Variants in GRAP2 observed in about 807,000 individuals in gnomAD.
GRAP2 encodes GRB2-related adapter protein 2.
A neutral mutation model predicts 43.5 loss-of-function variants in GRAP2; 31 were observed. That is an observed-to-expected ratio of 0.71 (90% CI 0.54 to 0.96). The LOEUF (loss-of-function observed/expected upper bound fraction) is 0.96, where lower values mean the gene tolerates loss of function less well. Among genes scored for constraint, GRAP2 ranks in the 40% least tolerant of loss-of-function variants. The probability of loss-of-function intolerance (pLI) is 0.00; values close to 1 mark genes in which losing one functional copy is unlikely to be tolerated. For missense variants in GRAP2, 371 were observed against 424.4 expected (o/e 0.87, Z 1.11); for synonymous variants, 156 against 164.8 (o/e 0.95, Z 0.41).
intron 1 of GRAP2, among the ~76,000 whole-genome samples, chr22:39,938,709 G>T (rs565147763): frequency 3.9e-5 from 6 of 152,246 alleles, no homozygotes; most frequent in Non-Finnish European, 7.3e-5. Flanking sequence ...TCAGCTGCCC[G>T]TTAGTCACCT....
intron 1 of GRAP2, chr22:39,926,500 A>AAG: frequency 1.9e-6 from 1 of 528,738 alleles, no homozygotes; most frequent in Non-Finnish European, 2.4e-6. Context: ...AAAAAAAAAA[A>AAG]GGAAAAGAGC....
chr22:39,894,331 AC>A, the GRAP2 span, among the ~76,000 whole-genome samples: 1 of 148,274 alleles, frequency 6.7e-6, no homozygotes, highest in Non-Finnish European at 1.5e-5. Context: ...AAAACCAAAC[AC>A]CGCATATTCT....
At chr22:39,923,724 A>T (rs2066673553) in intron 1 of GRAP2, among the ~76,000 whole-genome samples, 1 of 152,260 alleles carries the variant, frequency 6.6e-6, no homozygotes, top group Non-Finnish European at 1.5e-5. Context: ...GACTTAAAAC[A>T]GTTTTTACAA....
At chr22:39,896,668 A>G (rs1344270633), upstream of GRAP2, among the ~76,000 whole-genome samples, 2 of 152,164 alleles carry the variant, frequency 1.3e-5, no homozygotes, top group African/African-American at 4.8e-5. Context: ...TGAAGTCCCA[A>G]TAAACAGTGA....
At chr22:39,894,005 C>G in the GRAP2 span, 1 of 149,888 alleles carries the variant, frequency 6.7e-6, no homozygotes, top group East Asian at 2.0e-4. Flanking sequence ...CAGACACTAG[C>G]ATTTATTCTT....
At chr22:39,899,851 T>G (rs1350807602), upstream of GRAP2, among the ~76,000 whole-genome samples, 4 of 152,026 alleles carry the variant, frequency 2.6e-5, no homozygotes, top group Non-Finnish European at 5.9e-5. Flanking sequence ...CCAGGCATGG[T>G]GGCAGGTACC....
chr22:39,961,988 T>G (rs922215859), intron 4 of GRAP2, among the ~76,000 whole-genome samples: 1 of 152,386 alleles, frequency 6.6e-6, no homozygotes, highest in South Asian at 2.1e-4. Context: ...CCTTGCAATC[T>G]TGCTTAAACT....
chr22:39,960,665 A>C (rs1042732845), intron 4 of GRAP2: 2 of 155,014 alleles, frequency 1.3e-5, no homozygotes, highest in African/African-American at 4.8e-5. Flanking sequence ...TAGGATATAC[A>C]GGGGCGGAAA....
chr22:39,939,990 TG>T (rs948156801), intron 1 of GRAP2, among the ~76,000 whole-genome samples: 7 of 152,064 alleles, frequency 4.6e-5, no homozygotes, highest in Non-Finnish European at 8.8e-5. Flanking sequence ...GAAGCACTGG[TG>T]GGGGGCCCAG....
intron 3 of GRAP2, among the ~76,000 whole-genome samples, chr22:39,959,534 G>A (rs542328167): frequency 1.3e-5 from 2 of 152,260 alleles, no homozygotes; most frequent in East Asian, 1.9e-4. Flanking sequence ...TAGGTAACGT[G>A]ACGCCCTGGG....
chr22:39,945,334 C>G (rs1291840336), intron 1 of GRAP2, among the ~76,000 whole-genome samples: 2 of 152,162 alleles, frequency 1.3e-5, no homozygotes, highest in Non-Finnish European at 2.9e-5. Flanking sequence ...CTATAAATTA[C>G]CTTCGAAAGA....
intron 1 of GRAP2, among the ~76,000 whole-genome samples, chr22:39,939,167 G>A (rs2066838412): frequency 6.6e-6 from 1 of 152,234 alleles, no homozygotes; most frequent in Non-Finnish European, 1.5e-5. Flanking sequence ...TTTGGATGCA[G>A]TAAAGCCAGA....
chr22:39,916,731 G>A (rs2066605896), intron 1 of GRAP2, among the ~76,000 whole-genome samples: 1 of 152,200 alleles, frequency 6.6e-6, no homozygotes, highest in Non-Finnish European at 1.5e-5. Context: ...GGAACTTCTT[G>A]TGCAGAGTGC....
intron 3 of GRAP2, among the ~76,000 whole-genome samples, chr22:39,956,243 A>C (rs951102543): frequency 1.3e-5 from 2 of 151,006 alleles, no homozygotes; most frequent in Non-Finnish European, 3.0e-5. Flanking sequence ...CTGCAGCCTA[A>C]AACTCCTGGG....
intron 2 of GRAP2, among the ~76,000 whole-genome samples, chr22:39,953,097 C>G (rs1035703885): frequency 1.2e-4 from 19 of 152,144 alleles, no homozygotes; most frequent in African/African-American, 4.6e-4. Context: ...CCATTATCTT[C>G]CCATCTTCTT....
intron 2 of GRAP2, among the ~76,000 whole-genome samples, chr22:39,952,527 G>GT (rs2145647347): frequency 6.6e-6 from 1 of 152,180 alleles, no homozygotes; most frequent in South Asian, 2.1e-4. Context: ...CTGCTGCTGG[G>GT]TTTCCTAGTT....
chr22:39,942,891 T>A (rs1437664331), intron 1 of GRAP2, among the ~76,000 whole-genome samples: 1 of 152,186 alleles, frequency 6.6e-6, no homozygotes, highest in East Asian at 1.9e-4. Flanking sequence ...TTTTAAAAAA[T>A]TTCAAGACAT....
chr22:39,939,099 C>G (rs889065964), intron 1 of GRAP2, among the ~76,000 whole-genome samples: 1 of 152,156 alleles, frequency 6.6e-6, no homozygotes, highest in East Asian at 1.9e-4. Context: ...CACTCAAATC[C>G]CAGCCAACTA....
At chr22:39,946,649 C>T (rs1410910162) in intron 1 of GRAP2, among the ~76,000 whole-genome samples, 5 of 152,108 alleles carry the variant, frequency 3.3e-5, no homozygotes, top group Non-Finnish European at 7.4e-5. Context: ...AAATGGCATC[C>T]GTCTAATTAA....
Sources: allele counts gnomAD v4.1 joint callset (sites outside exome capture counted in the v4.1 genomes callset), GRCh38; gene constraint gnomAD v4.1.1; transcripts MANE v1.5; gene names NCBI Gene and HGNC (gene_info 2026-07-23, HGNC 2026-07-21).